RHOQ: variants seen among roughly 807,000 people sequenced by gnomAD.
RHOQ encodes ras homolog family member Q.
In RHOQ, 7 loss-of-function variants were observed where a neutral mutation model predicts 25.8. The observed-to-expected ratio is 0.27, with a 90% confidence interval of 0.15 to 0.51. The LOEUF is 0.51. Among genes scored for constraint, RHOQ ranks in the 20% least tolerant of loss-of-function variants. The pLI is 0.97. For missense variants in RHOQ, 165 were observed against 260.6 expected, an observed-to-expected ratio of 0.63 and a Z score of 2.53; for synonymous variants, 97 against 98.6, an observed-to-expected ratio of 0.98 and a Z score of 0.10.
chr2:46,561,913 G>A (rs1194900638), intron 2 of RHOQ, among the ~76,000 whole-genome samples: 3 of 152,292 alleles, frequency 2.0e-5, no homozygotes, highest in South Asian at 2.1e-4. Flanking sequence ...CCTGGACCTC[G>A]GGCCAGGCCC....
chr2:46,558,512 C>T (rs1668472209), intron 2 of RHOQ, among the ~76,000 whole-genome samples: 2 of 152,132 alleles, frequency 1.3e-5, no homozygotes, highest in Non-Finnish European at 2.9e-5. Flanking sequence ...TTAGAAGTCC[C>T]CTGCCAACCT....
At position 46,576,152 on chromosome 2, in the gene RHOQ, G is replaced by C. The variant is rs141035770; in HGVS notation, c.267G>C (p.Ser89=). The C allele has an allele frequency of 3.7e-6, 6 of 1,613,436 alleles. No individual in the cohort carries two copies. The highest frequency in any genetic ancestry group is 2.7e-5 in the African/African-American group (2 of 74,938). ...CCGATGTCTTCCTTATATGCTTCTC[G>C]GTGGTAAATCCAGCCTCATTTCAAA... is the stretch of plus-strand genomic sequence containing the variant. ...PMTDVFLICF[S]VVNPASFQNV... is the part of the protein sequence containing the mutation. Residue 89 remains serine (S), a synonymous_variant, in exon 3 of 5, where the codon TCG becomes TCC. Coordinates refer to ENST00000238738, the MANE Select transcript of RHOQ (RefSeq NM_012249.4). The surrounding 1 kb of genome is among the most constrained non-coding windows in gnomAD (Gnocchi z 5.1).
At chr2:46,553,701 TC>T (rs1229733019) in intron 2 of RHOQ, among the ~76,000 whole-genome samples, 1 of 152,038 alleles carries the variant, frequency 6.6e-6, no homozygotes, top group Non-Finnish European at 1.5e-5. Context: ...TGTCTCAGCC[TC>T]CCAAGTAGCT....
chr2:46,560,745 A>T (rs1277819448), intron 2 of RHOQ: 2 of 421,668 alleles, frequency 4.7e-6, no homozygotes, highest in African/African-American at 4.1e-5. Context: ...GACTTTGCGT[A>T]GAGTCTGTAT....
intron 2 of RHOQ, among the ~76,000 whole-genome samples, chr2:46,565,071 CAGA>C (rs1040332687): frequency 3.9e-5 from 6 of 152,088 alleles, no homozygotes; most frequent in Non-Finnish European, 8.8e-5. Context: ...GGAGCAGCTG[CAGA>C]AGGAGAAGGT....
At chr2:46,550,239 T>TAA (rs201834273) in intron 2 of RHOQ, among the ~76,000 whole-genome samples, 19 of 140,024 alleles carry the variant, frequency 1.4e-4, no homozygotes, top group African/African-American at 4.2e-4. Flanking sequence ...CGTGTTTATT[T>TAA]AAAAAAAAAA....
rs1260846773 is a variant in RHOQ at position 46,555,116 on chromosome 2, T to A, written c.201+11304T>A. ...CTGCTTCCTTCGGACAGGGACTTCG[T>A]CCAACAGGCGAGAGCTTTGGGTATT... On this transcript the variant is annotated intron_variant, in intron 2 of 4. Coordinates refer to ENST00000238738, the MANE Select transcript of RHOQ (RefSeq NM_012249.4). The surrounding 1 kb of genome is among the most constrained non-coding windows in gnomAD (Gnocchi z 4.3). Among the ~76,000 whole-genome samples the A allele has an allele frequency of 1.3e-5, 2 of 152,350 alleles. No homozygotes were observed. The highest frequency in any genetic ancestry group is 6.5e-5 in the Admixed American group (1 of 15,304).
At chr2:46,559,505 G>A (rs1186230982) in intron 2 of RHOQ, among the ~76,000 whole-genome samples, 1 of 152,196 alleles carries the variant, frequency 6.6e-6, no homozygotes, top group South Asian at 2.1e-4. Flanking sequence ...CTGTTGGTCA[G>A]GGTTTCTCAG....
chr2:46,543,467 C>A, intron 1 of RHOQ: 1 of 600,066 alleles, frequency 1.7e-6, no homozygotes. Context: ...TCCCACATCC[C>A]CTTTCCTACT....
intron 2 of RHOQ, among the ~76,000 whole-genome samples, chr2:46,549,238 G>T (rs969048070): frequency 6.6e-6 from 1 of 152,198 alleles, no homozygotes; most frequent in Non-Finnish European, 1.5e-5. Context: ...TCTCTGAGGG[G>T]CCGGGGGAGT....
rs60618758 is a variant in RHOQ at position 46,552,226 on chromosome 2, TTTTGTCAC to T, written c.201+8421_201+8428del. ...TCTGCCCCACGTGACGTTACGGGTGTTTTGTCACTTTGTCCCTAAACCACCATGCTTCC... is the reference window on the plus strand; with the variant it reads ...TCTGCCCCACGTGACGTTACGGGTGTTTTGTCCCTAAACCACCATGCTTCC... On this transcript the variant is annotated intron_variant, in intron 2 of 4. Coordinates refer to ENST00000238738, the MANE Select transcript of RHOQ (RefSeq NM_012249.4). The surrounding 1 kb of genome is among the most constrained non-coding windows in gnomAD (Gnocchi z 5.0). Among the ~76,000 whole-genome samples, 2 of 152,270 alleles carry T rather than the reference TTTTGTCAC, an allele frequency of 1.3e-5. No homozygotes were observed. The highest frequency in any genetic ancestry group is 2.9e-5 in the Non-Finnish European group (2 of 68,026).
chr2:46,560,039 G>A (rs532409366), intron 2 of RHOQ, among the ~76,000 whole-genome samples: 22 of 152,256 alleles, frequency 1.4e-4, no homozygotes, highest in Middle Eastern at 3.4e-3. Flanking sequence ...ATCATGATAG[G>A]GAAGGGGAAA....
At chr2:46,573,362 T>C (rs1424205557) in intron 2 of RHOQ, among the ~76,000 whole-genome samples, 2 of 152,202 alleles carry the variant, frequency 1.3e-5, no homozygotes, top group Non-Finnish European at 2.9e-5. Flanking sequence ...GCCCGGCCAC[T>C]AACTGCCAAT....
chr2:46,564,974 A>G (rs535046403), intron 2 of RHOQ, among the ~76,000 whole-genome samples: 2 of 152,232 alleles, frequency 1.3e-5, no homozygotes, highest in Admixed American at 6.5e-5. Context: ...AATAATCTCC[A>G]TGAGCTGCAG....
chr2:46,554,155 C>T (rs1161101967), intron 2 of RHOQ, among the ~76,000 whole-genome samples: 1 of 151,484 alleles, frequency 6.6e-6, no homozygotes, highest in Non-Finnish European at 1.5e-5. Flanking sequence ...TTTTAAACCC[C>T]CAGCCCCACA....
At chr2:46,559,665 A>G (rs547509221) in intron 2 of RHOQ, among the ~76,000 whole-genome samples, 5 of 152,206 alleles carry the variant, frequency 3.3e-5, no homozygotes, top group African/African-American at 9.6e-5. Flanking sequence ...ATGTCTCCAG[A>G]TATTGCCAGA....
At position 46,576,857 on chromosome 2, in the gene RHOQ, A is replaced by G. The variant is rs917223151; in HGVS notation, c.462+201A>G. ...GACAGTGGAGGCTGGGAGATGTCAG[A>G]TAATTCGCCCAAGATCCTGCAGGTA... On this transcript the variant is annotated intron_variant, in intron 4 of 4. Coordinates refer to ENST00000238738, the MANE Select transcript of RHOQ (RefSeq NM_012249.4). The surrounding 1 kb of genome is among the most constrained non-coding windows in gnomAD (Gnocchi z 5.1). 7 of 411,682 alleles carry G rather than the reference A, an allele frequency of 1.7e-5. No individual in the cohort carries two copies. The highest frequency in any genetic ancestry group is 1.2e-4 in the African/African-American group (6 of 48,414). 25.5% of individuals were successfully genotyped at this position (411,682 alleles called of 1,614,324 possible).
chr2:46,557,117 A>G (rs1414537854), intron 2 of RHOQ, among the ~76,000 whole-genome samples: 1 of 152,222 alleles, frequency 6.6e-6, no homozygotes, highest in African/African-American at 2.4e-5. Flanking sequence ...AAGGAAAGTA[A>G]ATACTCTCTG....
chr2:46,551,105 G>A (rs931030174), intron 2 of RHOQ, among the ~76,000 whole-genome samples: 1 of 152,174 alleles, frequency 6.6e-6, no homozygotes, highest in Non-Finnish European at 1.5e-5. Context: ...CCCAGCAAGG[G>A]GCTTAACCTT....
Sources: gnomAD v4.1 joint callset for allele counts (sites outside exome capture counted in the v4.1 genomes callset) on GRCh38, gnomAD v4.1.1 for gene constraint, Gnocchi (gnomAD v3.1) non-coding constraint, MANE v1.5 for transcripts, NCBI Gene and HGNC (gene_info 2026-07-23, HGNC 2026-07-21) for gene names.